WNT3A: variants seen among roughly 807,000 people sequenced by gnomAD.
WNT3A encodes protein Wnt-3a.
Under a neutral mutation model 37.0 loss-of-function variants are expected in WNT3A, and 17 were observed. That is an observed-to-expected ratio of 0.46 (90% confidence interval 0.31 to 0.69). The LOEUF is 0.69. WNT3A is among the 30% of genes least tolerant of loss of function. WNT3A has a pLI of 0.05. For synonymous variants in WNT3A, 187 were observed against 211.0 expected, an observed-to-expected ratio of 0.89 and a Z score of 0.99; for missense variants, 411 against 510.2, an observed-to-expected ratio of 0.81 and a Z score of 1.87.
chr1:228,059,833 T>C lies in WNT3A; in HGVS notation c.*368T>C, dbSNP rs1000366662. The C allele has an allele frequency of 6.4e-5, 68 of 1,064,710 alleles. 1 individual carries two copies. Among genetic ancestry groups the C allele is most frequent in the Non-Finnish European group, 7.4e-5 (65 of 881,266 alleles). The allele number at this position is 1,064,710 out of a possible 1,614,324, so 66.0% of individuals were successfully genotyped here. A position where few individuals can be genotyped will look rare whatever the true frequency, so the allele number is the denominator to read the frequency against. On this transcript the variant is annotated 3_prime_UTR_variant, in exon 4 of 4. Transcript: ENST00000284523. ...CCTGCGGGGGCGAGGCCCCTCCCAG[T>C]AAGGGCGTGGCTCTGGGTGGGCGGG...
intron 2 of WNT3A, among the ~76,000 whole-genome samples, chr1:228,027,303 T>C (rs886072236): frequency 2.0e-5 from 3 of 152,242 alleles, no homozygotes; most frequent in African/African-American, 7.2e-5. Flanking sequence ...GTAGTGGGAT[T>C]GCTAGATTGA....
rs1054764340 is a variant in WNT3A at position 228,008,891 on chromosome 1, T to C, written c.71+1692T>C. Reference sequence around the variant, plus strand: ...ACCTCATATGCATGTATACCTCCTTTTCACCTGGGCCCCCTGTGTTCTACC... The same window carrying C: ...ACCTCATATGCATGTATACCTCCTTCTCACCTGGGCCCCCTGTGTTCTACC... On this transcript the variant is annotated intron_variant, in intron 1 of 3. Coordinates refer to ENST00000284523, the MANE Select transcript of WNT3A (RefSeq NM_033131.4). This position sits in a 1 kb window ranked among gnomAD's most constrained non-coding sequence, Gnocchi z 4.9. Among the ~76,000 whole-genome samples, 3 of 152,072 alleles carry C rather than the reference T, an allele frequency of 2.0e-5. No individual in the cohort carries two copies. Among genetic ancestry groups the C allele is most frequent in the Non-Finnish European group, 4.4e-5 (3 of 68,002 alleles).
intron 2 of WNT3A, among the ~76,000 whole-genome samples, chr1:228,030,035 T>C (rs377361553): frequency 1.8e-4 from 27 of 152,260 alleles, no homozygotes; most frequent in African/African-American, 5.5e-4. Context: ...CAATGAGCCA[T>C]GATGGCACCA....
In WNT3A at chr1:228,060,716, C is replaced by G. The variant is rs2031786903; in HGVS notation, c.*1251C>G. ...GCCCTCGGGTCTCCCCACCTGCACT[C>G]CATCCAGCTACAGGAGAGATAGAAG... On this transcript the variant is annotated 3_prime_UTR_variant, in exon 4 of 4. Coordinates refer to ENST00000284523, the MANE Select transcript of WNT3A (RefSeq NM_033131.4). The G allele has an allele frequency of 6.2e-6, 1 of 162,284 alleles. No individual in the cohort carries two copies. Among genetic ancestry groups the G allele is most frequent in the Admixed American group, 6.0e-5 (1 of 16,644 alleles). The allele number at this position is 162,284 out of a possible 1,614,324, so 10.1% of individuals were successfully genotyped here. A position where few individuals can be genotyped will look rare whatever the true frequency, so the allele number is the denominator to read the frequency against.
intron 2 of WNT3A, among the ~76,000 whole-genome samples, chr1:228,024,624 T>C (rs145265637): frequency 2.3e-3 from 343 of 152,330 alleles, no homozygotes; most frequent in Non-Finnish European, 4.0e-3. Context: ...GTTTTTTTCA[T>C]TTTTGTGAGA....
intron 1 of WNT3A, among the ~76,000 whole-genome samples, chr1:228,014,364 C>T (rs777358004): frequency 6.6e-5 from 10 of 152,248 alleles, no homozygotes; most frequent in South Asian, 2.1e-4. Flanking sequence ...CCTGTCCACA[C>T]GCCTGCATGG....
At chr1:228,045,517 G>A (rs1029983214) in intron 2 of WNT3A, among the ~76,000 whole-genome samples, 1 of 152,166 alleles carries the variant, frequency 6.6e-6, no homozygotes, top group Admixed American at 6.5e-5. Context: ...GGGAGGGGAC[G>A]ACCTGAGTCC....
chr1:228,017,654 C>T lies in WNT3A; in HGVS notation c.72-5013C>T, dbSNP rs574904688. On this transcript the variant is annotated intron_variant, in intron 1 of 3. Coordinates refer to ENST00000284523, the MANE Select transcript of WNT3A (RefSeq NM_033131.4). ...GGATCCCTTGAGCCCTGTAGGTCAA[C>T]GCTGCAGTGAGCCCTCAGCCTAGAC... 1.0e-3 allele frequency among the ~76,000 whole-genome samples: 157 copies of T among 152,294 alleles called. 1 individual carries two copies. Among genetic ancestry groups the T allele is most frequent in the African/African-American group, 3.5e-3 (147 of 41,564 alleles).
intron 2 of WNT3A, among the ~76,000 whole-genome samples, chr1:228,035,592 G>A (rs1198882658): frequency 6.6e-6 from 1 of 152,220 alleles, no homozygotes; most frequent in African/African-American, 2.4e-5. Flanking sequence ...GCAGGGCGGG[G>A]ATGGATCTGA....
Position 228,039,563 on chromosome 1 carries a change from CT to C in WNT3A, c.314-11090del, listed in dbSNP as rs2031224633. 6.6e-6 allele frequency among the ~76,000 whole-genome samples: 1 copy of C among 152,222 alleles called. No homozygotes were observed. The highest frequency in any genetic ancestry group is 1.5e-5 in the Non-Finnish European group (1 of 68,042). The stretch of plus-strand genomic sequence containing the variant: ...TCATGGCCAAGCTGTCCATAGCCTT[CT>C]TTCTGGTCACAGCCCAGAGGAGGGG... On this transcript the variant is annotated intron_variant, in intron 2 of 3. Coordinates refer to ENST00000284523, the MANE Select transcript of WNT3A (RefSeq NM_033131.4). This position sits in a 1 kb window ranked among gnomAD's most constrained non-coding sequence, Gnocchi z 4.1.
rs1204266926 is a variant in WNT3A at position 228,050,010 on chromosome 1, C to A, written c.314-646C>A. Among the ~76,000 whole-genome samples the A allele has an allele frequency of 1.3e-5, 2 of 151,720 alleles. No individual in the cohort carries two copies. Among genetic ancestry groups the A allele is most frequent in the Non-Finnish European group, 1.5e-5 (1 of 67,932 alleles). On this transcript the variant is annotated intron_variant, in intron 2 of 3. Coordinates refer to ENST00000284523, the MANE Select transcript of WNT3A (RefSeq NM_033131.4). This position sits in a 1 kb window ranked among gnomAD's most constrained non-coding sequence, Gnocchi z 5.0. ...CCAAGGCTGGTCTCAAACTCCTGGG[C>A]TCAAGCAATCCTCCCACCTCTGCCT...
rs2031303299 is a variant in WNT3A at position 228,042,282 on chromosome 1, A to G, written c.314-8374A>G. On this transcript the variant is annotated intron_variant, in intron 2 of 3. Coordinates refer to ENST00000284523, the MANE Select transcript of WNT3A (RefSeq NM_033131.4). The surrounding 1 kb of genome is among the most constrained non-coding windows in gnomAD (Gnocchi z 5.2). ...GTGAGCCACCGCGCCCAGCCTCTGGAGGATTTTTTTTACTGTGGTTATTGA... is the reference window on the plus strand; with the variant it reads ...GTGAGCCACCGCGCCCAGCCTCTGGGGGATTTTTTTTACTGTGGTTATTGA... Among the ~76,000 whole-genome samples, 1 of 151,904 alleles carries G rather than the reference A, an allele frequency of 6.6e-6. No homozygotes were observed. Among genetic ancestry groups the G allele is most frequent in the African/African-American group, 2.4e-5 (1 of 41,256 alleles).
rs976433177 is a variant in WNT3A, at chr1:228,008,689, G to C, written c.71+1490G>C. Among the ~76,000 whole-genome samples, 2 of 152,156 alleles carry C rather than the reference G, an allele frequency of 1.3e-5. No individual in the cohort carries two copies. Among genetic ancestry groups the C allele is most frequent in the African/African-American group, 4.8e-5 (2 of 41,440 alleles). On this transcript the variant is annotated intron_variant, in intron 1 of 3. Coordinates refer to ENST00000284523, the MANE Select transcript of WNT3A (RefSeq NM_033131.4). This position sits in a 1 kb window ranked among gnomAD's most constrained non-coding sequence, Gnocchi z 4.9. ...GCGCGTCCGTCCGAGAGAGCCCCGA[G>C]GGCTGCCGGCTTACGCACCAGGCTT...
intron 3 of WNT3A, among the ~76,000 whole-genome samples, chr1:228,054,932 C>T (rs1211882441): frequency 1.6e-5 from 2 of 126,432 alleles, no homozygotes; most frequent in African/African-American, 3.0e-5. Flanking sequence ...GAGGCGAGTT[C>T]GAGACTAGCC....
At chr1:228,010,180 G>A (rs1023548909) in intron 1 of WNT3A, among the ~76,000 whole-genome samples, 13 of 152,244 alleles carry the variant, frequency 8.5e-5, no homozygotes, top group African/African-American at 3.1e-4. Flanking sequence ...TGCGCTGCAA[G>A]GAGACCATGG....
chr1:228,052,631 C>T (rs1283461124), intron 3 of WNT3A, among the ~76,000 whole-genome samples: 1 of 152,156 alleles, frequency 6.6e-6, no homozygotes, highest in Non-Finnish European at 1.5e-5. Flanking sequence ...GGCAGCTGAC[C>T]TTGGCTGTAG....
At position 228,060,087 on chromosome 1, in the gene WNT3A, T is replaced by C. The variant is rs2124822287; in HGVS notation, c.*622T>C. On this transcript the variant is annotated 3_prime_UTR_variant, in exon 4 of 4. Transcript: ENST00000284523. Reference sequence around the variant, plus strand: ...CTGGGTGGGCGTGGCCTGCATAGGCTCCTTCCTGTGGGTGGGGCTTCTCTG... The same window carrying C: ...CTGGGTGGGCGTGGCCTGCATAGGCCCCTTCCTGTGGGTGGGGCTTCTCTG... 3 of 1,245,910 alleles carry C rather than the reference T, an allele frequency of 2.4e-6. No individual in the cohort carries two copies. The highest frequency in any genetic ancestry group is 1.6e-5 in the African/African-American group (1 of 64,444). The allele number at this position is 1,245,910 out of a possible 1,614,324, so 77.2% of individuals were successfully genotyped here. A position where few individuals can be genotyped will look rare whatever the true frequency, so the allele number is the denominator to read the frequency against.
intron 2 of WNT3A, among the ~76,000 whole-genome samples, chr1:228,043,827 G>A (rs1053743521): frequency 2.6e-5 from 4 of 152,184 alleles, no homozygotes; most frequent in African/African-American, 9.7e-5. Context: ...TATTTTGGGA[G>A]GGTAGTGAAC....
chr1:228,047,560 C>G (rs2031453064), intron 2 of WNT3A, among the ~76,000 whole-genome samples: 1 of 152,162 alleles, frequency 6.6e-6, no homozygotes, highest in Non-Finnish European at 1.5e-5. Flanking sequence ...TCGGTCCTCT[C>G]CTAGGCAGCC....
Sources: gnomAD v4.1 joint callset for allele counts (sites outside exome capture counted in the v4.1 genomes callset) on GRCh38, gnomAD v4.1.1 for gene constraint, Gnocchi (gnomAD v3.1) non-coding constraint, MANE v1.5 for transcripts, NCBI Gene and HGNC (gene_info 2026-07-23, HGNC 2026-07-21) for gene names.